NCAPD2: variants seen among roughly 807,000 people sequenced by gnomAD.
NCAPD2 encodes the protein condensin complex subunit 1.
In NCAPD2, 100 loss-of-function variants were observed where a neutral mutation model predicts 164.5. The observed-to-expected ratio is 0.61, with a 90% CI of 0.52 to 0.72. The LOEUF (loss-of-function observed/expected upper bound fraction) is 0.72. Among genes scored for constraint, NCAPD2 ranks in the 30% least tolerant of loss-of-function variants. NCAPD2 has a pLI of 0.00. For missense variants in NCAPD2, 1,560 were observed against 1,749.2 expected (o/e 0.89, Z 1.93); for synonymous variants, 585 against 642.6 (o/e 0.91, Z 1.36).
chr12:6,510,432 C>T (rs1407728118), intron 4 of NCAPD2, 197 bp from the exon 5 acceptor site: 6 of 796,524 alleles, frequency 7.5e-6, no homozygotes, highest in Middle Eastern at 4.4e-4. Context: ...ATTGTGGTAA[C>T]TGGAGTGAGA....
rs1945966348 is a variant in NCAPD2, at chr12:6,495,184, A to G, written c.86A>G (p.Gln29Arg). 1.2e-6 allele frequency: 2 copies of G among 1,614,030 alleles called. No individual in the cohort carries two copies. The highest frequency in any genetic ancestry group is 1.7e-6 in the Non-Finnish European group (2 of 1,180,034). ...KSGGVNQYVVQEVLSIKHLPP... is the reference protein window; with the variant it reads ...KSGGVNQYVVREVLSIKHLPP... ...GGAGGGGTGAATCAGTATGTTGTGC[A>G]AGAGGTACTGTCCATCAAACATCTT... Residue 29 changes from glutamine (Q) to arginine (R), a missense_variant, in exon 2 of 32, where the codon CAA (glutamine) becomes CGA (arginine). By Grantham distance (43) the Gln-to-Arg change is conservative. Coordinates refer to ENST00000315579, the MANE Select transcript of NCAPD2 (RefSeq NM_014865.4).
In NCAPD2 at chr12:6,528,998, C is replaced by T. The variant is rs371282922; in HGVS notation, c.3531C>T (p.Pro1177=). Residue 1177 remains proline (P), a synonymous_variant, in exon 27 of 32, where the codon CCC becomes CCT. Coordinates refer to ENST00000315579, the MANE Select transcript of NCAPD2 (RefSeq NM_014865.4). This position sits in a 1 kb window ranked among gnomAD's most constrained non-coding sequence, Gnocchi z 5.1. The part of the protein sequence containing the change: ...LPDIISRLSD[P]ELGVEEEPFH... ...ATATCATCAGCCGCCTGTCAGACCC[C>T]GAGCTGGGGGTGGAGGAAGAGCCTT... 3.3e-5 allele frequency: 54 copies of T among 1,613,506 alleles called. No individual in the cohort carries two copies. In the Middle Eastern group the frequency reaches 2.0e-3, roughly 59 times the overall value.
chr12:6,510,942 T>G (rs1157914159), intron 5 of NCAPD2, 132 bp downstream of exon 5: 8 of 1,313,040 alleles, frequency 6.1e-6, no homozygotes, highest in Non-Finnish European at 8.4e-6. Flanking sequence ...AACTCAAAAG[T>G]GTCACACGTT....
chr12:6,508,780 A>G (rs1946120131), intron 2 of NCAPD2, among the ~76,000 whole-genome samples: 1 of 152,224 alleles, frequency 6.6e-6, no homozygotes, highest in Non-Finnish European at 1.5e-5. Flanking sequence ...GACACTACGA[A>G]GTGATCAAAG....
chr12:6,513,763 T>TG (rs1430057181), intron 6 of NCAPD2, among the ~76,000 whole-genome samples: 10 of 137,674 alleles, frequency 7.3e-5, no homozygotes, highest in Non-Finnish European at 1.1e-4. Context: ...TCGCCTGGCC[T>TG]GGAGTGCAGT....
At chr12:6,496,490 T>A (rs7314721) in intron 2 of NCAPD2, among the ~76,000 whole-genome samples, 51,412 of 152,028 alleles carry the variant, frequency 0.34, 9,247 homozygotes, top group African/African-American at 0.46. Context: ...AGTGGCATGA[T>A]CACGGCTCAC....
At chr12:6,512,469 G>A (rs974780032) in intron 6 of NCAPD2, among the ~76,000 whole-genome samples, 8 of 152,192 alleles carry the variant, frequency 5.3e-5, no homozygotes, top group Admixed American at 4.6e-4. Context: ...ACCTTGAGGA[G>A]GGAGCATGTC....
At chr12:6,516,798 G>T (rs1045972060) in intron 9 of NCAPD2, 30 bp from the exon 10 acceptor site, 1 of 1,610,282 alleles carries the variant, frequency 6.2e-7, no homozygotes, top group Non-Finnish European at 8.5e-7. Context: ...TTGACTAAAG[G>T]TTTGACCCCT....
Position 6,517,950 on chromosome 12 carries a change from C to G in NCAPD2, c.1580C>G (p.Ala527Gly), listed in dbSNP as rs1946219873. ...CGCATCTATCAACTGCTTGCCAAAG[C>G]TAGTTACAAGTAGGCAAAAGAATGG... is the stretch of plus-strand genomic sequence containing the variant. The part of the protein sequence containing the change: ...KGRIYQLLAK[A>G]SYKKAIILTR... The change falls in exon 13 of 32, where the codon GCT becomes GGT. Residue 527 changes from alanine to glycine, a missense_variant. Coordinates refer to ENST00000315579, the MANE Select transcript of NCAPD2 (RefSeq NM_014865.4). 6.2e-7 allele frequency: 1 copy of G among 1,613,604 alleles called. No individual in the cohort carries two copies. The highest frequency in any genetic ancestry group is 8.5e-7 in the Non-Finnish European group (1 of 1,179,940).
Position 6,522,932 on chromosome 12 carries a change from C to A in NCAPD2, c.2059C>A (p.Pro687Thr), listed in dbSNP as rs769308867. The change falls in exon 16 of 32, where the codon CCT becomes ACT. Residue 687 changes from proline to threonine, a missense_variant. Pro to Thr is a conservative substitution (Grantham distance 38, BLOSUM62 -1). Transcript: ENST00000315579. ...GCTGCCTCTCATCTGGTCTAAGGAG[C>A]CTGGTGTCCGGGAAGCCGTGCTTAA... Reference protein sequence around the residue: ...RMLPLIWSKEPGVREAVLNAY... With the variant: ...RMLPLIWSKETGVREAVLNAY... The A allele has an allele frequency of 6.2e-7, 1 of 1,614,194 alleles. No individual in the cohort carries two copies. The highest frequency in any genetic ancestry group is 1.1e-5 in the South Asian group (1 of 91,084).
chr12:6,509,454 G>A (rs139477356), intron 2 of NCAPD2, among the ~76,000 whole-genome samples: 93 of 151,976 alleles, frequency 6.1e-4, no homozygotes, highest in Admixed American at 1.1e-3. Flanking sequence ...GTAGAGATGG[G>A]GTCTCACGAT....
rs1196806613 is a variant in NCAPD2, at chr12:6,530,961, T to A, written c.4005T>A (p.Asn1335Lys). 1 of 1,614,176 alleles carries A rather than the reference T, an allele frequency of 6.2e-7. No homozygotes were observed. The highest frequency in any genetic ancestry group is 8.5e-7 in the Non-Finnish European group (1 of 1,180,034). ...CTCTGGCTTCTACAGCCTCAGACAA[T>A]GACTTTGTCACACCAGAGCCCCGCC... ...YQPLASTASDNDFVTPEPRRT... is the reference protein window; with the variant it reads ...YQPLASTASDKDFVTPEPRRT... Residue 1335 changes from asparagine (N) to lysine (K), a missense_variant, in exon 31 of 32, where the codon AAT becomes AAA. Coordinates refer to ENST00000315579, the MANE Select transcript of NCAPD2 (RefSeq NM_014865.4).
chr12:6,513,716 T>TTTTTTTTTTTTTTTTC (rs1946172919), intron 6 of NCAPD2, among the ~76,000 whole-genome samples: 1 of 59,838 alleles, frequency 1.7e-5, no homozygotes, highest in Non-Finnish European at 3.0e-5. Context: ...TGACTTTGTC[T>TTTTTTTTTTTTTTTTC]TTTTTTTTTT....
intron 10 of NCAPD2, 134 bp downstream of exon 10, chr12:6,517,159 C>T (rs565850211): frequency 2.4e-6 from 3 of 1,262,654 alleles, no homozygotes; most frequent in Non-Finnish European, 3.3e-6. Flanking sequence ...TAGTAAAAGT[C>T]TTCCTCTACC....
rs1390504807 is a variant in NCAPD2 at position 6,531,349 on chromosome 12, A to G, written c.4143A>G (p.Glu1381=). The G allele has an allele frequency of 6.2e-7, 1 of 1,613,878 alleles. No individual in the cohort carries two copies. The highest frequency in any genetic ancestry group is 8.5e-7 in the Non-Finnish European group (1 of 1,180,006). The change falls in exon 32 of 32, where the codon GAA becomes GAG. Residue 1381 remains glutamate, a synonymous_variant. Coordinates refer to ENST00000315579, the MANE Select transcript of NCAPD2 (RefSeq NM_014865.4). This position sits in a 1 kb window ranked among gnomAD's most constrained non-coding sequence, Gnocchi z 4.1. ...TAGATCTTTCAGCAGAGATGACAGAAGACGAGACACCCAAGAAAACAACTC... is the reference window on the plus strand; with the variant it reads ...TAGATCTTTCAGCAGAGATGACAGAGGACGAGACACCCAAGAAAACAACTC... ...SEEDLSAEMT[E]DETPKKTTPI...
intron 22 of NCAPD2, among the ~76,000 whole-genome samples, chr12:6,527,507 C>T (rs1234141468): frequency 3.9e-5 from 6 of 152,130 alleles, no homozygotes; most frequent in Admixed American, 3.3e-4. Flanking sequence ...CATTGTCTGG[C>T]GTGATCCATC....
At chr12:6,510,998 G>C (rs1268110836) in intron 5 of NCAPD2, 112 bp from the exon 6 acceptor site, 1 of 1,332,420 alleles carries the variant, frequency 7.5e-7, no homozygotes, top group African/African-American at 1.5e-5. Context: ...TATTTCTTCC[G>C]TATTACCTTC....
intron 2 of NCAPD2, among the ~76,000 whole-genome samples, chr12:6,500,583 A>G (rs1447900049): frequency 6.6e-6 from 1 of 152,198 alleles, no homozygotes; most frequent in Non-Finnish European, 1.5e-5. Context: ...TCAGGATCTC[A>G]TGATCTGGGA....
intron 2 of NCAPD2, among the ~76,000 whole-genome samples, chr12:6,505,522 A>G (rs144063253): frequency 4.6e-5 from 7 of 152,164 alleles, no homozygotes; most frequent in Non-Finnish European, 8.8e-5. Flanking sequence ...ACTGAAGTGA[A>G]TTTTATGCAG....
Sources: allele counts gnomAD v4.1 joint callset (sites outside exome capture counted in the v4.1 genomes callset), GRCh38; gene constraint gnomAD v4.1.1; non-coding constraint Gnocchi (gnomAD v3.1); transcripts MANE v1.5; gene names NCBI Gene and HGNC (gene_info 2026-07-23, HGNC 2026-07-21).